Variants in ACACA observed in about 807,000 individuals in gnomAD.
ACACA encodes the protein acetyl-CoA carboxylase alpha, also known as acetyl-CoA carboxylase 1.
A neutral mutation model predicts 296.1 loss-of-function variants in ACACA; 103 were observed. The ratio of observed to expected loss-of-function variants is 0.35; its 90% CI spans 0.30 to 0.41. The LOEUF (loss-of-function observed/expected upper bound fraction) is 0.41, where lower values mean the gene tolerates loss of function less well. ACACA is among the 10% of genes least tolerant of loss of function. ACACA has a pLI of 1.00. For synonymous variants in ACACA, 953 were observed against 1,038.6 expected (o/e 0.92, Z 1.58); for missense variants, 1,554 against 2,989.7 (o/e 0.52, Z 11.20).
intron 34 of ACACA, 116 bp downstream of exon 34, chr17:37,200,311 A>T: frequency 7.4e-7 from 1 of 1,359,330 alleles, no homozygotes; most frequent in East Asian, 2.3e-5. Context: ...CTTACAGAAA[A>T]GTGGTTATTT....
At chr17:37,170,197 G>A (rs2144643596) in intron 41 of ACACA, among the ~76,000 whole-genome samples, 1 of 152,128 alleles carries the variant, frequency 6.6e-6, no homozygotes, top group South Asian at 2.1e-4. Flanking sequence ...AAGAGCTACA[G>A]TGAATAAGCT....
At chr17:37,193,306 T>G in intron 36 of ACACA, 68 bp downstream of exon 36, 1 of 1,221,316 alleles carries the variant, frequency 8.2e-7, no homozygotes, top group Non-Finnish European at 1.2e-6. Flanking sequence ...ATGGCAAAGA[T>G]AAGCCGCTCT....
intron 1 of ACACA, among the ~76,000 whole-genome samples, chr17:37,381,727 A>ATG (rs2050276390): frequency 6.8e-6 from 1 of 147,012 alleles, no homozygotes. Flanking sequence ...TCTCGGGTTC[A>ATG]CGCCATTCTC....
intron 1 of ACACA, among the ~76,000 whole-genome samples, chr17:37,386,278 CAATT>C (rs2050525530): frequency 6.6e-6 from 1 of 152,022 alleles, no homozygotes; most frequent in Non-Finnish European, 1.5e-5. Context: ...AAAAATCATT[CAATT>C]TTTTATTTTA....
intron 5 of ACACA, among the ~76,000 whole-genome samples, chr17:37,283,042 C>A (rs2082614727): frequency 6.6e-6 from 1 of 152,204 alleles, no homozygotes; most frequent in Non-Finnish European, 1.5e-5. Flanking sequence ...TAAATTTCTT[C>A]CTACTTATCC....
At chr17:37,342,458 T>TATATATAC (rs1369014067) in intron 1 of ACACA, among the ~76,000 whole-genome samples, 11 of 98,396 alleles carry the variant, frequency 1.1e-4, no homozygotes, top group African/African-American at 3.4e-4. Context: ...TATATATATA[T>TATATATAC]ACACACACAC....
chr17:37,141,176 G>C (rs984517156), intron 45 of ACACA: 2 of 538,260 alleles, frequency 3.7e-6, no homozygotes, highest in Non-Finnish European at 7.1e-6. Flanking sequence ...TCATCCTTGA[G>C]AGAGGTCCCC....
intron 52 of ACACA, among the ~76,000 whole-genome samples, chr17:37,103,897 C>A (rs1007122220): frequency 1.3e-5 from 2 of 152,224 alleles, no homozygotes; most frequent in Admixed American, 6.5e-5. Context: ...CCAAAATTAG[C>A]CAGGCATGGT....
intron 21 of ACACA, 83 bp from the exon 22 acceptor site, chr17:37,243,642 C>T (rs763282997): frequency 1.4e-4 from 211 of 1,473,858 alleles, no homozygotes; most frequent in Non-Finnish European, 1.7e-4. Context: ...ATTCTGTATA[C>T]GTGGGAAATT....
intron 9 of ACACA, among the ~76,000 whole-genome samples, chr17:37,273,512 G>C (rs182369600): frequency 6.6e-6 from 1 of 152,362 alleles, no homozygotes; most frequent in African/African-American, 2.4e-5. Flanking sequence ...CAACTTGGAA[G>C]GAGGGACTGA....
At chr17:37,179,722 C>T (rs941274378) in intron 40 of ACACA, among the ~76,000 whole-genome samples, 1 of 152,076 alleles carries the variant, frequency 6.6e-6, no homozygotes, top group East Asian at 1.9e-4. Context: ...TAAGTAGCAT[C>T]GACTCCTTAA....
intron 54 of ACACA, among the ~76,000 whole-genome samples, chr17:37,090,768 C>T (rs1039690740): frequency 1.3e-5 from 2 of 152,184 alleles, no homozygotes; most frequent in Non-Finnish European, 2.9e-5. Context: ...GACTCCTAAA[C>T]GTCGCCACCT....
intron 54 of ACACA, among the ~76,000 whole-genome samples, chr17:37,093,948 C>G (rs2142593190): frequency 6.6e-6 from 1 of 152,270 alleles, no homozygotes; most frequent in Non-Finnish European, 1.5e-5. Context: ...TATGAGATTT[C>G]AAAACCCACA....
chr17:37,360,835 C>T (rs2049375794), intron 1 of ACACA, among the ~76,000 whole-genome samples: 1 of 152,036 alleles, frequency 6.6e-6, no homozygotes, highest in Admixed American at 6.6e-5. Context: ...TTGGGCAAGA[C>T]TTCCTGGTTT....
intron 3 of ACACA, among the ~76,000 whole-genome samples, chr17:37,317,806 A>G (rs750225710): frequency 6.6e-6 from 1 of 152,330 alleles, no homozygotes; most frequent in Middle Eastern, 3.4e-3. Context: ...AAGTTTATAG[A>G]ATGCACTCCA....
intron 3 of ACACA, 63 bp from the exon 4 acceptor site, chr17:37,285,033 C>A: frequency 6.3e-7 from 1 of 1,593,918 alleles, no homozygotes; most frequent in South Asian, 1.1e-5. Flanking sequence ...CTTTTCACTA[C>A]CATACCCATA....
chr17:37,252,825 G>A lies in ACACA; in HGVS notation c.1977+61C>T, dbSNP rs2081056360. 7 of 1,594,210 alleles carry A rather than the reference G, an allele frequency of 4.4e-6. No homozygotes were observed. The Admixed American group carries it at 1.0e-4, about 23-fold the overall frequency. On this transcript the variant is annotated intron_variant, in intron 15 of 55. Coordinates refer to ENST00000616317, the MANE Select transcript of ACACA (RefSeq NM_198834.3). ...CAAATAAATTTCATGTAGTGACAGG[G>A]ATTGAGTACACAAGTCTATAAAAAC...
chr17:37,127,552 A>G (rs2074848730), intron 47 of ACACA, among the ~76,000 whole-genome samples: 1 of 152,142 alleles, frequency 6.6e-6, no homozygotes, highest in South Asian at 2.1e-4. Flanking sequence ...CATTCCCAGA[A>G]AAGTCCTGCA....
intron 52 of ACACA, among the ~76,000 whole-genome samples, chr17:37,108,188 A>G (rs1052491167): frequency 2.0e-5 from 3 of 152,066 alleles, no homozygotes; most frequent in African/African-American, 7.2e-5. Context: ...CTTTACTTCT[A>G]TTAGGAATCA....
Sources: gnomAD v4.1 joint callset for allele counts (sites outside exome capture counted in the v4.1 genomes callset) on GRCh38, gnomAD v4.1.1 for gene constraint, MANE v1.5 for transcripts, NCBI Gene and HGNC (gene_info 2026-07-23, HGNC 2026-07-21) for gene names.